The following BCAR3 variants were observed in gnomAD, a reference collection of about 807,000 sequenced individuals.
BCAR3 encodes BCAR3 adaptor protein, NSP family member, also known as breast cancer anti-estrogen resistance protein 3.
A neutral mutation model predicts 80.1 loss-of-function variants in BCAR3; 37 were observed. That is an observed-to-expected ratio of 0.46 (90% CI 0.36 to 0.61). The LOEUF (loss-of-function observed/expected upper bound fraction) is 0.61, where lower values mean the gene tolerates loss of function less well. Ranked by LOEUF, BCAR3 falls within the 20% of genes least tolerant of loss-of-function variation. BCAR3 has a pLI of 0.00. For missense variants in BCAR3, 978 were observed against 1,068.2 expected (o/e 0.92, Z 1.18); for synonymous variants, 389 against 418.9 (o/e 0.93, Z 0.87).
chr1:93,642,538 T>C (rs769931989), intron 2 of BCAR3, among the ~76,000 whole-genome samples, 195 bp from the exon 3 acceptor site: 1 of 152,214 alleles, frequency 6.6e-6, no homozygotes, highest in Admixed American at 6.5e-5. Context: ...AGCTCCCACA[T>C]GCTTTCCTGT....
intron 3 of BCAR3, among the ~76,000 whole-genome samples, chr1:93,624,208 A>G (rs1303154097): frequency 6.6e-6 from 1 of 152,140 alleles, no homozygotes; most frequent in East Asian, 1.9e-4. Context: ...CTCCTGGAGG[A>G]TGTTTCCAAA....
intron 2 of BCAR3, among the ~76,000 whole-genome samples, chr1:93,712,625 C>T (rs886670772): frequency 2.6e-5 from 4 of 152,176 alleles, no homozygotes; most frequent in African/African-American, 9.7e-5. Flanking sequence ...CTTACCCCTC[C>T]CTGCCTTATT....
Position 93,592,940 on chromosome 1 carries a change from T to C in BCAR3, c.358-547A>G, listed in dbSNP as rs1409101400. ...TTAGGGCAAATGGACAGAGCAATTT[T>C]ATGTCTCTTGAATCTAATAACAGAA... On this transcript the variant is annotated intron_variant, in intron 3 of 11. Transcript: ENST00000260502. This position sits in a 1 kb window ranked among gnomAD's most constrained non-coding sequence, Gnocchi z 4.8. Among the ~76,000 whole-genome samples, 1 of 152,264 alleles carries C rather than the reference T, an allele frequency of 6.6e-6. No homozygotes were observed. The highest frequency in any genetic ancestry group is 1.5e-5 in the Non-Finnish European group (1 of 68,044).
At chr1:93,585,773 C>T (rs1197193397) in intron 5 of BCAR3, among the ~76,000 whole-genome samples, 1 of 152,154 alleles carries the variant, frequency 6.6e-6, no homozygotes, top group Non-Finnish European at 1.5e-5. Context: ...GGCTCTCGCT[C>T]TGTTGCCCAG....
intron 2 of BCAR3, among the ~76,000 whole-genome samples, chr1:93,715,743 C>T (rs987215835): frequency 6.6e-6 from 1 of 152,214 alleles, no homozygotes; most frequent in Non-Finnish European, 1.5e-5. Flanking sequence ...ACGTTATAGA[C>T]AGATGGTGGC....
chr1:93,747,271 T>G (rs1651390725), intron 2 of BCAR3, among the ~76,000 whole-genome samples: 1 of 152,114 alleles, frequency 6.6e-6, no homozygotes, highest in African/African-American at 2.4e-5. Flanking sequence ...TCAAAAGGCA[T>G]GCACTGGTAG....
At chr1:93,585,218 T>A in intron 5 of BCAR3, 2 of 985,556 alleles carry the variant, frequency 2.0e-6, no homozygotes, top group Non-Finnish European at 1.2e-6. Context: ...GCCAGCCAAC[T>A]AGCAGGCCCG....
At chr1:93,737,642 C>A (rs1249384490) in intron 2 of BCAR3, among the ~76,000 whole-genome samples, 1 of 152,166 alleles carries the variant, frequency 6.6e-6, no homozygotes, top group Non-Finnish European at 1.5e-5. Context: ...TTGTTTTAAG[C>A]CACCCAGTCT....
At chr1:93,696,783 A>ACCCTTGC (rs1440778384) in intron 3 of BCAR3, among the ~76,000 whole-genome samples, 1 of 151,958 alleles carries the variant, frequency 6.6e-6, no homozygotes, top group Non-Finnish European at 1.5e-5. Flanking sequence ...TCTCTATCTA[A>ACCCTTGC]CCAACTCCCA....
At chr1:93,598,988 A>T (rs1385397794) in intron 3 of BCAR3, 2 of 151,840 alleles carry the variant, frequency 1.3e-5, no homozygotes, top group East Asian at 3.9e-4. Flanking sequence ...AGGCACAACA[A>T]TGGTATGTTA....
At chr1:93,798,212 TATATTTTGCA>T (rs1404447641) in intron 2 of BCAR3, among the ~76,000 whole-genome samples, 3 of 152,226 alleles carry the variant, frequency 2.0e-5, no homozygotes, top group Non-Finnish European at 4.4e-5. Flanking sequence ...GGGTCTATAT[TATATTTTGCA>T]AGTTGGGGGA....
At chr1:93,829,107 A>C (rs1240512303) in intron 2 of BCAR3, among the ~76,000 whole-genome samples, 1 of 152,120 alleles carries the variant, frequency 6.6e-6, no homozygotes, top group Non-Finnish European at 1.5e-5. Flanking sequence ...GGTCACCCAA[A>C]AGAGGGTCTC....
intron 3 of BCAR3, among the ~76,000 whole-genome samples, chr1:93,601,115 A>G (rs1674608080): frequency 6.6e-6 from 1 of 152,222 alleles, no homozygotes; most frequent in Admixed American, 6.5e-5. Context: ...TTACAGGACT[A>G]TAGGACCTGA....
intron 9 of BCAR3, among the ~76,000 whole-genome samples, chr1:93,569,509 GCCTCT>G (rs1398095735): frequency 1.1e-4 from 17 of 152,368 alleles, no homozygotes; most frequent in African/African-American, 4.1e-4. Context: ...TCTGAAAGAA[GCCTCT>G]GGGTCTGGGC....
At chr1:93,815,211 C>A (rs1267445320) in intron 2 of BCAR3, among the ~76,000 whole-genome samples, 5 of 152,192 alleles carry the variant, frequency 3.3e-5, no homozygotes, top group Non-Finnish European at 7.3e-5. Flanking sequence ...CCAGGTGGCC[C>A]AGAGCTGCCG....
intron 6 of BCAR3, 79 bp from the exon 7 acceptor site, chr1:93,583,032 C>T (rs1673784135): frequency 6.9e-7 from 1 of 1,441,888 alleles, no homozygotes; most frequent in African/African-American, 1.4e-5. Flanking sequence ...GTGGCAGCTC[C>T]CCAGCCCTCC....
intron 2 of BCAR3, among the ~76,000 whole-genome samples, chr1:93,719,338 T>TTG (rs1424160452): frequency 7.9e-6 from 1 of 126,954 alleles, no homozygotes; most frequent in Admixed American, 7.7e-5. Flanking sequence ...TTTCTTGTTT[T>TTG]TTTTTTTTTT....
rs374383224 is a variant in BCAR3 at position 93,829,031 on chromosome 1, G to C, written c.-63+16536C>G. Among the ~76,000 whole-genome samples, 37 of 152,222 alleles carry C rather than the reference G, an allele frequency of 2.4e-4. 3 individuals carry two copies. Among genetic ancestry groups the C allele is most frequent in the Admixed American group, 1.2e-3 (19 of 15,282 alleles). On this transcript the variant is annotated intron_variant, in intron 2 of 13. Transcript: ENST00000370244. ...AGGACATGGACACACACGAGGAGTG[G>C]GTTCAGGAGTGGAAAGTTTAATAGA...
intron 2 of BCAR3, among the ~76,000 whole-genome samples, chr1:93,813,786 T>C (rs1300233576): frequency 1.3e-5 from 2 of 152,232 alleles, no homozygotes; most frequent in Non-Finnish European, 2.9e-5. Flanking sequence ...ATTACGTCAA[T>C]TGTCCCAATA....
Sources: allele counts gnomAD v4.1 joint callset (sites outside exome capture counted in the v4.1 genomes callset), GRCh38; gene constraint gnomAD v4.1.1; non-coding constraint Gnocchi (gnomAD v3.1); transcripts MANE v1.5; gene names NCBI Gene and HGNC (gene_info 2026-07-23, HGNC 2026-07-21).